Variants in CFAP54 observed in about 807,000 individuals in gnomAD.
CFAP54 encodes cilia- and flagella-associated protein 54.
A neutral mutation model predicts 370.4 loss-of-function variants in CFAP54; 290 were observed. The ratio of observed to expected loss-of-function variants is 0.78; its 90% CI spans 0.71 to 0.86. The LOEUF (loss-of-function observed/expected upper bound fraction) is 0.86, where lower values mean the gene tolerates loss of function less well. CFAP54 is among the 40% of genes least tolerant of loss of function. CFAP54 has a pLI of 0.00. For missense variants in CFAP54, 3,399 were observed against 3,528.7 expected (o/e 0.96, Z 0.93); for synonymous variants, 1,206 against 1,236.5 (o/e 0.98, Z 0.52).
At chr12:96,664,784 T>G (rs12320812) in intron 39 of CFAP54, among the ~76,000 whole-genome samples, 1 of 42,184 alleles carries the variant, frequency 2.4e-5, no homozygotes, top group African/African-American at 1.6e-4. Context: ...TATCTATATA[T>G]ATATATATAT....
chr12:96,500,942 A>T lies in CFAP54; in HGVS notation c.423+3A>T. 1 of 1,521,740 alleles carries T rather than the reference A, an allele frequency of 6.6e-7. No homozygotes were observed. The highest frequency in any genetic ancestry group is 8.8e-7 in the Non-Finnish European group (1 of 1,134,398). The allele number at this position is 1,521,740 out of a possible 1,614,324, so 94.3% of individuals were successfully genotyped here. ...GAGATAGCCTTTGTCAAATGAAAGT[A>T]AGTGCCTCTGCAGGAAAGAGCCAAA... On this transcript the variant is annotated splice_donor_region_variant and intron_variant, in intron 2 of 67. Transcript: ENST00000524981.
intron 3 of CFAP54, among the ~76,000 whole-genome samples, chr12:96,505,617 C>T (rs1293104930): frequency 1.3e-5 from 2 of 151,674 alleles, no homozygotes; most frequent in Non-Finnish European, 2.9e-5. Context: ...ATTCACCTGC[C>T]TCAACTTCCT....
In CFAP54 at chr12:96,645,257, G is replaced by T. The variant is rs987089641; in HGVS notation, c.4547+849G>T. On this transcript the variant is annotated intron_variant, in intron 33 of 67. Coordinates refer to ENST00000524981, the MANE Select transcript of CFAP54 (RefSeq NM_001306084.2). ...TGGAATACTGTGTAGCTATTAAAAA[G>T]ATACAAAATCAATGAGCAAAAAGCA... 15 of 416,452 alleles carry T rather than the reference G, an allele frequency of 3.6e-5. No homozygotes were observed. The Admixed American group carries it at 3.9e-4, about 11-fold the overall frequency. 25.8% of individuals were successfully genotyped at this position (416,452 alleles called of 1,614,324 possible).
intron 65 of CFAP54, among the ~76,000 whole-genome samples, chr12:96,827,707 T>TATAATTATATATAATTATATTTA (rs1959133311): frequency 5.5e-5 from 5 of 90,248 alleles, no homozygotes; most frequent in South Asian, 6.5e-4. Context: ...TATTATATTA[T>TATAATTATATATAATTATATTTA]ATATAATTAT....
Position 96,784,667 on chromosome 12 carries a change from G to A in CFAP54, c.8282-50G>A, listed in dbSNP as rs947855075. 1.1e-5 allele frequency: 14 copies of A among 1,269,932 alleles called. No homozygotes were observed. The East Asian group carries it at 3.8e-4, about 34-fold the overall frequency. The allele number at this position is 1,269,932 out of a possible 1,614,324, so 78.7% of individuals were successfully genotyped here. A position where few individuals can be genotyped will look rare whatever the true frequency, so the allele number is the denominator to read the frequency against. Reference sequence around the variant, plus strand: ...TTTTCTGTTCATGATTGTTTTTCAAGGAAAGCATAATATAATATTGTATTA... The same window carrying A: ...TTTTCTGTTCATGATTGTTTTTCAAAGAAAGCATAATATAATATTGTATTA... On this transcript the variant is annotated intron_variant, in intron 60 of 67. Coordinates refer to ENST00000524981, the MANE Select transcript of CFAP54 (RefSeq NM_001306084.2).
intron 66 of CFAP54, among the ~76,000 whole-genome samples, chr12:96,834,252 G>A (rs1959179270): frequency 6.6e-6 from 1 of 152,264 alleles, no homozygotes; most frequent in South Asian, 2.1e-4. Flanking sequence ...GATATTAGCG[G>A]TCAAGGGAGG....
chr12:96,641,906 C>T (rs1203981830), intron 32 of CFAP54, among the ~76,000 whole-genome samples: 4 of 140,966 alleles, frequency 2.8e-5, no homozygotes, highest in African/African-American at 5.1e-5. Context: ...GGAAGGGGAA[C>T]ATCACACACC....
chr12:96,742,701 T>A, intron 52 of CFAP54, 115 bp downstream of exon 52: 1 of 1,029,466 alleles, frequency 9.7e-7, no homozygotes, highest in Non-Finnish European at 1.4e-6. Flanking sequence ...TAGCTTGATC[T>A]GCTTATAGAA....
intron 46 of CFAP54, among the ~76,000 whole-genome samples, chr12:96,701,067 A>G (rs558968797): frequency 2.0e-4 from 31 of 152,324 alleles, no homozygotes; most frequent in African/African-American, 7.0e-4. Flanking sequence ...TTATTGTAAT[A>G]GGGGATGAGG....
intron 66 of CFAP54, among the ~76,000 whole-genome samples, chr12:96,845,571 C>T (rs1194799083): frequency 6.6e-6 from 1 of 152,224 alleles, no homozygotes; most frequent in Non-Finnish European, 1.5e-5. Flanking sequence ...CAGGACCACT[C>T]TGAAGGGCCA....
intron 65 of CFAP54, among the ~76,000 whole-genome samples, chr12:96,823,118 TTGTC>T (rs945189829): frequency 6.3e-5 from 7 of 111,320 alleles, no homozygotes; most frequent in East Asian, 2.7e-4. Context: ...TCGTGTGTGT[TTGTC>T]TGTGTGTGTG....
intron 17 of CFAP54, among the ~76,000 whole-genome samples, chr12:96,561,111 G>A (rs1243132632): frequency 1.3e-5 from 2 of 152,140 alleles, no homozygotes; most frequent in East Asian, 1.9e-4. Flanking sequence ...TGGATCCTGT[G>A]TTCCTTTGAT....
At chr12:96,733,320 A>G (rs1233773647) in intron 50 of CFAP54, among the ~76,000 whole-genome samples, 2 of 152,146 alleles carry the variant, frequency 1.3e-5, no homozygotes, top group Non-Finnish European at 2.9e-5. Context: ...CCTTTTTTAA[A>G]TGATGGTTAG....
intron 6 of CFAP54, among the ~76,000 whole-genome samples, chr12:96,520,199 A>G (rs982029960): frequency 9.9e-5 from 15 of 151,984 alleles, no homozygotes; most frequent in African/African-American, 3.6e-4. Flanking sequence ...AATACACTCT[A>G]TTTTTTGTTT....
chr12:96,853,823 G>C (rs1026214327), intron 66 of CFAP54, among the ~76,000 whole-genome samples: 3 of 151,956 alleles, frequency 2.0e-5, no homozygotes, highest in Non-Finnish European at 4.4e-5. Context: ...CTAATCTGTT[G>C]CTTTCACTCG....
intron 8 of CFAP54, 142 bp downstream of exon 8, chr12:96,522,331 G>T: frequency 1.8e-6 from 1 of 561,042 alleles, no homozygotes; most frequent in Non-Finnish European, 3.0e-6. Flanking sequence ...AGAGAAGAAT[G>T]TTTTTCTAGT....
At chr12:96,770,106 G>T (rs1044341518) in intron 60 of CFAP54, among the ~76,000 whole-genome samples, 1 of 151,994 alleles carries the variant, frequency 6.6e-6, no homozygotes, top group Non-Finnish European at 1.5e-5. Context: ...AACTGGATTG[G>T]TATATTACTA....
intron 50 of CFAP54, among the ~76,000 whole-genome samples, chr12:96,735,569 A>G (rs1957970918): frequency 6.6e-6 from 1 of 152,228 alleles, no homozygotes; most frequent in South Asian, 2.1e-4. Flanking sequence ...GTAAATAATG[A>G]TAAGTTTGCA....
At chr12:96,838,060 T>C (rs1199029296) in intron 66 of CFAP54, among the ~76,000 whole-genome samples, 2 of 152,194 alleles carry the variant, frequency 1.3e-5, no homozygotes, top group Non-Finnish European at 2.9e-5. Flanking sequence ...CAAATTTTAA[T>C]TGCTTTGGAA....
Sources: gnomAD v4.1 joint callset for allele counts (sites outside exome capture counted in the v4.1 genomes callset) on GRCh38, gnomAD v4.1.1 for gene constraint, MANE v1.5 for transcripts, NCBI Gene and HGNC (gene_info 2026-07-23, HGNC 2026-07-21) for gene names.